PELP1: variants seen among roughly 807,000 people sequenced by gnomAD.
PELP1 encodes the protein proline, glutamate and leucine rich protein 1, also known as proline-, glutamic acid- and leucine-rich protein 1.
A neutral mutation model predicts 95.5 loss-of-function variants in PELP1; 32 were observed. The ratio of observed to expected loss-of-function variants is 0.34; its 90% CI spans 0.25 to 0.45. The LOEUF (loss-of-function observed/expected upper bound fraction) is 0.45, where lower values mean the gene tolerates loss of function less well. Ranked by LOEUF, PELP1 falls within the 20% of genes least tolerant of loss-of-function variation. The pLI is 1.00. For missense variants in PELP1, 1,358 were observed against 1,444.8 expected, an observed-to-expected ratio of 0.94 and a Z score of 0.97; for synonymous variants, 668 against 600.1, an observed-to-expected ratio of 1.11 and a Z score of -1.65.
Position 4,674,938 on chromosome 17 carries a change from C to G in PELP1, c.1293G>C (p.Val431=). Residue 431 remains valine (V), a synonymous_variant, in exon 12 of 17, where the codon GTG becomes GTC. Coordinates refer to ENST00000572293, the MANE Select transcript of PELP1 (RefSeq NM_014389.3). ...GCACCCACAGCTCTAATATCGCATA[C>G]ACCTTGGTCCGAACCGTGCTGTGTC... is the stretch of plus-strand genomic sequence containing the variant. ...ERPYSTVRTK[V]YAILELWVQV... 6.2e-7 allele frequency: 1 copy of G among 1,612,624 alleles called. No homozygotes were observed. Among genetic ancestry groups the G allele is most frequent in the Non-Finnish European group, 8.5e-7 (1 of 1,178,976 alleles).
intron 5 of PELP1, among the ~76,000 whole-genome samples, chr17:4,681,842 G>A (rs181504070): frequency 6.6e-6 from 1 of 151,572 alleles, no homozygotes; most frequent in Admixed American, 6.6e-5. Flanking sequence ...TTGGTTGAAC[G>A]TTAAAAATTT....
At chr17:4,681,997 C>CA (rs1567663727) in intron 5 of PELP1, among the ~76,000 whole-genome samples, 2 of 151,908 alleles carry the variant, frequency 1.3e-5, no homozygotes, top group African/African-American at 4.8e-5. Context: ...GACCCCCCTA[C>CA]AAAAAATTTA....
At position 4,704,131 on chromosome 17, in the gene PELP1, G is replaced by A. The variant is rs1362222348; in HGVS notation, c.-20C>T. 1 of 1,598,066 alleles carries A rather than the reference G, an allele frequency of 6.3e-7. No individual in the cohort carries two copies. Among genetic ancestry groups the A allele is most frequent in the African/African-American group, 1.3e-5 (1 of 74,830 alleles). The stretch of plus-strand genomic sequence containing the variant: ...CGCCATCTTCCCCCGGGTTCCAGTG[G>A]TGGCGTGGCGCGATGACGCAAACAC... On this transcript the variant is annotated 5_prime_UTR_variant, in exon 1 of 17. Coordinates refer to ENST00000572293, the MANE Select transcript of PELP1 (RefSeq NM_014389.3).
At position 4,672,843 on chromosome 17, in the gene PELP1, T is replaced by G; in HGVS notation, c.2148A>C (p.Leu716=). The G allele has an allele frequency of 1.2e-6, 2 of 1,613,880 alleles. No homozygotes were observed. Among genetic ancestry groups the G allele is most frequent in the Non-Finnish European group, 1.7e-6 (2 of 1,179,824 alleles). ...GAAGAAGCCGGGGAGGGACAGACAC[T>G]AGGCCTGGGACAGAAAGGCCTAGGT... ...ANHLGLSVPG[L]VSVPPRLLPG... Residue 716 remains leucine, a synonymous_variant, in exon 16 of 17, where the codon CTA becomes CTC. Transcript: ENST00000572293.
In PELP1 at chr17:4,703,849, G is replaced by A. The variant is rs1913651443; in HGVS notation, c.249+14C>T. On this transcript the variant is annotated intron_variant, in intron 1 of 16. Coordinates refer to ENST00000572293, the MANE Select transcript of PELP1 (RefSeq NM_014389.3). The stretch of plus-strand genomic sequence containing the variant: ...CTCCCCACAGGGCCGCGGGCACGCG[G>A]GCCACGGACTCACCTGGGCCCCGCC... 2 of 1,602,042 alleles carry A rather than the reference G, an allele frequency of 1.2e-6. No individual in the cohort carries two copies. Among genetic ancestry groups the A allele is most frequent in the African/African-American group, 1.3e-5 (1 of 74,602 alleles).
chr17:4,683,727 TG>T (rs1459748992), intron 3 of PELP1, among the ~76,000 whole-genome samples: 1 of 149,906 alleles, frequency 6.7e-6, no homozygotes, highest in African/African-American at 2.4e-5. Context: ...GATGGGGTTT[TG>T]CCACATTGGC....
At chr17:4,702,337 T>C (rs1461157511) in intron 1 of PELP1, among the ~76,000 whole-genome samples, 1 of 152,146 alleles carries the variant, frequency 6.6e-6, no homozygotes, top group Non-Finnish European at 1.5e-5. Context: ...GAGGATCCCT[T>C]GAGGCTGGGA....
intron 5 of PELP1, among the ~76,000 whole-genome samples, chr17:4,681,830 A>T (rs1448062888): frequency 4.6e-5 from 7 of 151,742 alleles, no homozygotes; most frequent in African/African-American, 1.7e-4. Context: ...ATATGATGTG[A>T]ATTGGTTGAA....
In PELP1 at chr17:4,674,816, G is replaced by A; in HGVS notation, c.1415C>T (p.Ala472Val). Reference sequence around the variant, plus strand: ...GAGCTGAGGCCTCCTCACCTTAAGGGCATCAGCTGGCGGGGAGATGTCGCT... The same window carrying A: ...GAGCTGAGGCCTCCTCACCTTAAGGACATCAGCTGGCGGGGAGATGTCGCT... ...LLSDISPPAD[A>V]LKLRSPRGSP... Residue 472 changes from alanine to valine, a missense_variant, in exon 12 of 17, where the codon GCC (alanine) becomes GTC (valine). Physicochemically the swap from Ala to Val is moderately conservative, Grantham distance 64. Around this residue, in one of 7 missense-constraint regions of PELP1, gnomAD observed 538 missense variants for 628.1 expected, o/e 0.86. Coordinates refer to ENST00000572293, the MANE Select transcript of PELP1 (RefSeq NM_014389.3). 6.2e-7 allele frequency: 1 copy of A among 1,611,670 alleles called. No homozygotes were observed.
At chr17:4,690,729 A>G (rs547200970) in intron 3 of PELP1, among the ~76,000 whole-genome samples, 159 bp downstream of exon 3, 1 of 152,290 alleles carries the variant, frequency 6.6e-6, no homozygotes, top group South Asian at 2.1e-4. Context: ...CTCAAAAAAA[A>G]AGTTTCTATT....
chr17:4,694,152 A>G (rs1913206951), intron 1 of PELP1, among the ~76,000 whole-genome samples: 1 of 152,212 alleles, frequency 6.6e-6, no homozygotes, highest in Non-Finnish European at 1.5e-5. Flanking sequence ...TCAAATGGCC[A>G]GAATAGGCAA....
intron 1 of PELP1, among the ~76,000 whole-genome samples, chr17:4,692,205 C>T (rs1309043746): frequency 1.3e-5 from 2 of 152,174 alleles, no homozygotes; most frequent in Admixed American, 1.3e-4. Context: ...CAGTGGCTCA[C>T]GCCTGTAATC....
chr17:4,695,644 C>A (rs1449018771), intron 1 of PELP1, among the ~76,000 whole-genome samples: 2 of 111,802 alleles, frequency 1.8e-5, no homozygotes, highest in Admixed American at 1.1e-4. Context: ...CCAGCCTGGG[C>A]AAAAGAGTGA....
chr17:4,681,282 C>T (rs1378224393), intron 5 of PELP1, among the ~76,000 whole-genome samples: 1 of 152,090 alleles, frequency 6.6e-6, no homozygotes, highest in Non-Finnish European at 1.5e-5. Context: ...GCCAGGAGTT[C>T]AAGACCAGCC....
chr17:4,694,905 G>A (rs1913238127), intron 1 of PELP1, among the ~76,000 whole-genome samples: 1 of 151,120 alleles, frequency 6.6e-6, no homozygotes, highest in Non-Finnish European at 1.5e-5. Flanking sequence ...TGAGAGAATC[G>A]CTTGAACCCG....
intron 1 of PELP1, among the ~76,000 whole-genome samples, chr17:4,701,175 A>G (rs1237131564): frequency 6.6e-6 from 1 of 152,078 alleles, no homozygotes; most frequent in Non-Finnish European, 1.5e-5. Context: ...GACTTGCTGA[A>G]TGTAGGGGAG....
Position 4,676,782 on chromosome 17 carries a change from C to A in PELP1, c.673G>T (p.Val225Leu). 6.4e-7 allele frequency: 1 copy of A among 1,571,218 alleles called. No individual in the cohort carries two copies. The highest frequency in any genetic ancestry group is 8.6e-7 in the Non-Finnish European group (1 of 1,157,794). ...GKLASFFLSR[V>L]DALSPQLQQL... ...TGGAGCTGAGGGCTCAAGGCATCCA[C>A]CCTAGACAGAAAAAATGAGGCCAGC... Residue 225 changes from valine to leucine, a missense_variant, in exon 6 of 17, where the codon GTG becomes TTG. Coordinates refer to ENST00000572293, the MANE Select transcript of PELP1 (RefSeq NM_014389.3).
chr17:4,674,724 GC>G, intron 12 of PELP1, 55 bp from the exon 13 acceptor site: 2 of 1,587,658 alleles, frequency 1.3e-6, no homozygotes, highest in South Asian at 2.3e-5. Context: ...AGGCAAGACA[GC>G]CACAGCAGAC....
Position 4,672,261 on chromosome 17 carries a change from A to C in PELP1, c.2730T>G (p.Phe910Leu). The stretch of plus-strand genomic sequence containing the variant: ...CCTCTTCATCCTCTTCCTCTTCCTC[A>C]AAGTCTTCCTCCTCTTCCTCTTCTT... The part of the protein sequence containing the change: ...EEEEEEEEED[F>L]EEEEEDEEEY... The change falls in exon 16 of 17, where the codon TTT (phenylalanine) becomes TTG (leucine). Residue 910 changes from phenylalanine (F) to leucine (L), a missense_variant. By Grantham distance (22) the Phe-to-Leu change is conservative. Transcript: ENST00000572293. The C allele has an allele frequency of 6.4e-7, 1 of 1,551,408 alleles. No individual in the cohort carries two copies. The highest frequency in any genetic ancestry group is 8.7e-7 in the Non-Finnish European group (1 of 1,147,084).
Sources: allele counts gnomAD v4.1 joint callset (sites outside exome capture counted in the v4.1 genomes callset), GRCh38; gene constraint gnomAD v4.1.1; regional missense constraint gnomAD v4.1.1; transcripts MANE v1.5; gene names NCBI Gene and HGNC (gene_info 2026-07-23, HGNC 2026-07-21).